The following PGBD5 variants were observed in gnomAD, a reference collection of about 807,000 sequenced individuals.
The protein encoded by PGBD5 is piggyBac transposable element-derived protein 5.
In PGBD5, 14 loss-of-function variants were observed where a neutral mutation model predicts 47.9. The ratio of observed to expected loss-of-function variants is 0.29; its 90% CI spans 0.19 to 0.46. The LOEUF (loss-of-function observed/expected upper bound fraction) is 0.46, where lower values mean the gene tolerates loss of function less well. PGBD5 is among the 20% of genes least tolerant of loss of function. PGBD5 has a pLI of 1.00. For synonymous variants in PGBD5, 316 were observed against 306.3 expected, an observed-to-expected ratio of 1.03 and a Z score of -0.33; for missense variants, 635 against 716.0, an observed-to-expected ratio of 0.89 and a Z score of 1.29.
Position 230,388,637 on chromosome 1 carries a change from G to A in PGBD5, c.332-31316C>T, listed in dbSNP as rs773394803. Among the ~76,000 whole-genome samples the A allele has an allele frequency of 7.9e-5, 12 of 152,176 alleles. No individual in the cohort carries two copies. In the East Asian group the frequency reaches 9.7e-4, roughly 12 times the overall value. ...TCACCATGTTAGCCAGGATGGCCTC[G>A]ATCTCCTGACCTCATGATCCACCTG... On this transcript the variant is annotated intron_variant, in intron 1 of 6. Coordinates refer to ENST00000391860, the MANE Select transcript of PGBD5 (RefSeq NM_001258311.2).
intron 1 of PGBD5, among the ~76,000 whole-genome samples, chr1:230,373,974 G>A (rs556048746): frequency 3.9e-5 from 6 of 152,182 alleles, no homozygotes; most frequent in East Asian, 3.9e-4. Context: ...GAGCCACCAC[G>A]CCTGGCCACA....
intron 1 of PGBD5, among the ~76,000 whole-genome samples, chr1:230,393,534 G>T (rs767804493): frequency 3.9e-5 from 6 of 152,124 alleles, no homozygotes; most frequent in Non-Finnish European, 7.4e-5. Flanking sequence ...GCCTCAGAAG[G>T]AGCTCAGAAA....
chr1:230,343,773 T>C (rs1170939399), intron 3 of PGBD5, among the ~76,000 whole-genome samples: 1 of 152,224 alleles, frequency 6.6e-6, no homozygotes, highest in Non-Finnish European at 1.5e-5. Flanking sequence ...TCACTTAGTA[T>C]GTAAAAAGAC....
intron 3 of PGBD5, among the ~76,000 whole-genome samples, chr1:230,346,486 A>G (rs972112228): frequency 6.6e-6 from 1 of 152,208 alleles, no homozygotes; most frequent in African/African-American, 2.4e-5. Flanking sequence ...CTGGGTAAAT[A>G]GCAGTGGGAA....
At chr1:230,374,082 C>CTG (rs1169603462) in intron 1 of PGBD5, among the ~76,000 whole-genome samples, 1 of 152,104 alleles carries the variant, frequency 6.6e-6, no homozygotes, top group Non-Finnish European at 1.5e-5. Context: ...ATAGAACTCT[C>CTG]TCTACATTAA....
chr1:230,353,306 G>A (rs1281861547), intron 2 of PGBD5, among the ~76,000 whole-genome samples: 1 of 152,128 alleles, frequency 6.6e-6, no homozygotes. Context: ...AGGTATGGTA[G>A]GGGAAAGACA....
chr1:230,390,694 A>C (rs1003946883), intron 1 of PGBD5, among the ~76,000 whole-genome samples: 9 of 152,028 alleles, frequency 5.9e-5, no homozygotes, highest in African/African-American at 2.2e-4. Context: ...GGGACATCTC[A>C]AGAAGCCCAC....
chr1:230,363,568 C>A (rs969226502), intron 1 of PGBD5, among the ~76,000 whole-genome samples: 1 of 150,470 alleles, frequency 6.6e-6, no homozygotes, highest in African/African-American at 2.5e-5. Flanking sequence ...GGTGACAGAG[C>A]GAGACTCCAT....
intron 1 of PGBD5, among the ~76,000 whole-genome samples, chr1:230,404,441 A>G (rs1216433518): frequency 2.6e-5 from 4 of 151,764 alleles, no homozygotes; most frequent in Middle Eastern, 3.2e-3. Flanking sequence ...CATCTCTAAA[A>G]ATAATTTTAA....
At chr1:230,368,164 T>C (rs1667871605) in intron 1 of PGBD5, 2 of 1,365,436 alleles carry the variant, frequency 1.5e-6, no homozygotes, top group Admixed American at 1.9e-5. Context: ...AGGAATAAGG[T>C]GGAGGAGAGA....
chr1:230,373,609 T>C (rs1431420633), intron 1 of PGBD5, among the ~76,000 whole-genome samples: 3 of 152,214 alleles, frequency 2.0e-5, no homozygotes, highest in Non-Finnish European at 2.9e-5. Flanking sequence ...TATAAACAGG[T>C]ACTAAATTTT....
chr1:230,335,732 C>G (rs373218686), intron 4 of PGBD5, among the ~76,000 whole-genome samples: 5 of 71,994 alleles, frequency 6.9e-5, no homozygotes, highest in African/African-American at 2.0e-4. Flanking sequence ...CAGACACACA[C>G]AGACTTACAC....
intron 1 of PGBD5, among the ~76,000 whole-genome samples, chr1:230,383,604 C>G (rs548884293): frequency 6.6e-6 from 1 of 152,146 alleles, no homozygotes; most frequent in African/African-American, 2.4e-5. Flanking sequence ...ACTCCTGGCT[C>G]AAGCGATCCT....
intron 1 of PGBD5, among the ~76,000 whole-genome samples, chr1:230,416,174 T>A (rs1657509346): frequency 6.6e-6 from 1 of 152,148 alleles, no homozygotes; most frequent in Admixed American, 6.5e-5. Flanking sequence ...CAAGACTGTA[T>A]TAAATTCCCC....
rs913992940 is a variant in PGBD5 at position 230,316,122 on chromosome 1, G to A, written c.*7303C>T. 6.6e-6 allele frequency: 1 copy of A among 150,814 alleles called. No homozygotes were observed. Among genetic ancestry groups the A allele is most frequent in the African/African-American group, 2.4e-5 (1 of 41,002 alleles). The allele number at this position is 150,814 out of a possible 1,614,324, so 9.3% of individuals were successfully genotyped here. A position where few individuals can be genotyped will look rare whatever the true frequency, so the allele number is the denominator to read the frequency against. ...TGTTTATGTGTACACATATATCTAT[G>A]TGTATACATACATATGTATATGTGT... On this transcript the variant is annotated 3_prime_UTR_variant, in exon 7 of 7. Transcript: ENST00000391860.
intron 5 of PGBD5, among the ~76,000 whole-genome samples, chr1:230,330,699 C>T (rs1667200410): frequency 6.6e-6 from 1 of 152,134 alleles, no homozygotes. Flanking sequence ...TGTGAACTTC[C>T]CTGGGAGTGC....
intron 1 of PGBD5, among the ~76,000 whole-genome samples, chr1:230,366,924 G>C (rs563084252): frequency 6.6e-6 from 1 of 151,964 alleles, no homozygotes; most frequent in Non-Finnish European, 1.5e-5. Context: ...TACTTCTCAC[G>C]AGTTCATATT....
Position 230,426,029 on chromosome 1 carries a change from G to A in PGBD5, c.-101C>T, listed in dbSNP as rs1278771984. On this transcript the variant is annotated 5_prime_UTR_variant, in exon 1 of 7. Transcript: ENST00000391860. ...CGGCCCGCCGCCCCCCACCAGCGCA[G>A]CCCGCAGCACAGCGCCCGCCGCCCC... 1.9e-6 allele frequency: 1 copy of A among 536,594 alleles called. No individual in the cohort carries two copies. Among genetic ancestry groups the A allele is most frequent in the Non-Finnish European group, 2.4e-6 (1 of 423,488 alleles). 33.2% of individuals were successfully genotyped at this position (536,594 alleles called of 1,614,324 possible). A position where few individuals can be genotyped will look rare whatever the true frequency, so the allele number is the denominator to read the frequency against.
intron 1 of PGBD5, among the ~76,000 whole-genome samples, chr1:230,384,767 A>ATGAAGGCAAG (rs1656594276): frequency 1.3e-5 from 2 of 152,116 alleles, no homozygotes; most frequent in African/African-American, 2.4e-5. Flanking sequence ...GTGTGTGTTA[A>ATGAAGGCAAG]ATTCTCTGCA....
Sources: allele counts gnomAD v4.1 joint callset (sites outside exome capture counted in the v4.1 genomes callset), GRCh38; gene constraint gnomAD v4.1.1; transcripts MANE v1.5; gene names NCBI Gene and HGNC (gene_info 2026-07-23, HGNC 2026-07-21).